Variants in STEAP1B observed in about 807,000 individuals in gnomAD.
The protein encoded by STEAP1B is STEAP family protein MGC87042.
STEAP1B carries 13 observed loss-of-function variants against 27.9 expected under a neutral mutation model. That is an observed-to-expected ratio of 0.47 (90% CI 0.30 to 0.74). The LOEUF (loss-of-function observed/expected upper bound fraction) is 0.74. Among genes scored for constraint, STEAP1B ranks in the 30% least tolerant of loss-of-function variants. STEAP1B has a pLI of 0.06. For missense variants in STEAP1B, 250 were observed against 298.7 expected (o/e 0.84, Z 1.20); for synonymous variants, 86 against 107.1 (o/e 0.80, Z 1.22).
chr7:22,491,206 C>G (rs1786315455), intron 4 of STEAP1B, among the ~76,000 whole-genome samples: 1 of 152,128 alleles, frequency 6.6e-6, no homozygotes, highest in African/African-American at 2.4e-5. Flanking sequence ...TTGAAGGTTT[C>G]TTTTTAAAAC....
chr7:22,435,924 T>G (rs1785247835), intron 4 of STEAP1B, among the ~76,000 whole-genome samples: 1 of 152,188 alleles, frequency 6.6e-6, no homozygotes. Flanking sequence ...CTAATGTACC[T>G]GCCATCTCTC....
At chr7:22,438,858 C>T (rs1004078413) in intron 4 of STEAP1B, 1 of 1,272,880 alleles carries the variant, frequency 7.9e-7, no homozygotes, top group African/African-American at 1.5e-5. Flanking sequence ...TACTCTCCTT[C>T]ATTTATAAAA....
chr7:22,474,844 C>T (rs1249573193), intron 4 of STEAP1B, among the ~76,000 whole-genome samples: 2 of 152,208 alleles, frequency 1.3e-5, no homozygotes, highest in Admixed American at 6.5e-5. Context: ...GAGTGGACAG[C>T]TCCCATTCCA....
chr7:22,429,046 C>T (rs893453230), intron 4 of STEAP1B, among the ~76,000 whole-genome samples: 2 of 152,112 alleles, frequency 1.3e-5, no homozygotes, highest in South Asian at 2.1e-4. Context: ...AGCAAGACTG[C>T]GGTGTAACAG....
At chr7:22,494,621 C>T (rs1786405996) in intron 2 of STEAP1B, 151 bp downstream of exon 2, 1 of 535,586 alleles carries the variant, frequency 1.9e-6, no homozygotes, top group East Asian at 3.4e-5. Context: ...GCTACTCTGT[C>T]CTTCACAGTA....
intron 4 of STEAP1B, among the ~76,000 whole-genome samples, chr7:22,434,521 T>C (rs916274741): frequency 4.5e-5 from 6 of 134,084 alleles, no homozygotes; most frequent in Non-Finnish European, 1.7e-5. Context: ...CTAGTAAGAA[T>C]AGGTAAAAAA....
At chr7:22,446,497 G>C (rs960670188) in intron 4 of STEAP1B, among the ~76,000 whole-genome samples, 1 of 152,182 alleles carries the variant, frequency 6.6e-6, no homozygotes, top group African/African-American at 2.4e-5. Context: ...CAAACCTCCA[G>C]GTGGTTCTGA....
intron 4 of STEAP1B, among the ~76,000 whole-genome samples, chr7:22,463,697 C>A (rs1242139275): frequency 6.6e-6 from 1 of 151,524 alleles, no homozygotes. Context: ...GAAAAACAAG[C>A]AATGGGGAAA....
At position 22,495,970 on chromosome 7, in the gene STEAP1B, C is replaced by A. The variant is rs1786433331; in HGVS notation, c.-31-1084G>T. ...CTTCTACTTACAAAAAAAGAGCTAA[C>A]TGTAAACAGCCCTAGGCAGGTCCTT... On this transcript the variant is annotated intron_variant, in intron 1 of 4. Transcript: ENST00000678116. 2.0e-5 allele frequency among the ~76,000 whole-genome samples: 3 copies of A among 152,298 alleles called. No homozygotes were observed. In the South Asian group the frequency reaches 6.2e-4, roughly 32 times the overall value.
intron 4 of STEAP1B, among the ~76,000 whole-genome samples, chr7:22,433,268 A>G (rs935908401): frequency 1.3e-5 from 2 of 151,656 alleles, no homozygotes; most frequent in East Asian, 1.9e-4. Flanking sequence ...CCTTCCCCCA[A>G]CTTACTATTT....
intron 4 of STEAP1B, among the ~76,000 whole-genome samples, chr7:22,442,160 T>A (rs1463307688): frequency 6.6e-6 from 1 of 152,202 alleles, no homozygotes; most frequent in Non-Finnish European, 1.5e-5. Context: ...ATGGTGCTCA[T>A]TGCAACAATG....
At chr7:22,470,204 T>G (rs529325560) in intron 4 of STEAP1B, among the ~76,000 whole-genome samples, 1 of 152,252 alleles carries the variant, frequency 6.6e-6, no homozygotes, top group African/African-American at 2.4e-5. Flanking sequence ...GAGTATCTTG[T>G]GGTGCAGGAA....
intron 4 of STEAP1B, among the ~76,000 whole-genome samples, chr7:22,437,572 C>A (rs1785270678): frequency 1.3e-5 from 2 of 152,174 alleles, no homozygotes; most frequent in African/African-American, 2.4e-5. Context: ...GGAAGAAGTG[C>A]AGATATCTCT....
Position 22,493,367 on chromosome 7 carries a change from C to A in STEAP1B, c.554G>T (p.Arg185Met), listed in dbSNP as rs16881812. The A allele has an allele frequency of 0.089, 144,206 of 1,613,368 alleles. 7,086 individuals are homozygous for A. Among genetic ancestry groups the A allele is most frequent in the African/African-American group, 0.14 (10,154 of 74,958 alleles). ...HAIYTLSYAM[R>M]RSYRYKLLNW... The stretch of plus-strand genomic sequence containing the variant: ...TAGCAACTTGTATCTGTAGGATCGC[C>A]TCATTGCGTAAGACAGAGTATAAAT... The change falls in exon 3 of 5, where the codon AGG (arginine) becomes ATG (methionine). Residue 185 changes from arginine (R) to methionine (M), a missense_variant. By Grantham distance (91) the Arg-to-Met change is moderately conservative. Transcript: ENST00000678116.
intron 4 of STEAP1B, among the ~76,000 whole-genome samples, chr7:22,476,640 T>C (rs558288261): frequency 5.3e-5 from 8 of 152,296 alleles, no homozygotes; most frequent in Non-Finnish European, 1.2e-4. Flanking sequence ...ATTCCTTAGC[T>C]TGGAACTCCA....
At chr7:22,429,660 C>A (rs1200957737) in intron 4 of STEAP1B, among the ~76,000 whole-genome samples, 2 of 152,156 alleles carry the variant, frequency 1.3e-5, no homozygotes, top group Admixed American at 6.5e-5. Flanking sequence ...CATCACACTG[C>A]TCAGAACAGT....
chr7:22,493,335 C>A lies in STEAP1B; in HGVS notation c.586G>T (p.Ala196Ser). The change falls in exon 3 of 5, where the codon GCA becomes TCA. Residue 196 changes from alanine to serine, a missense_variant. Transcript: ENST00000678116. ...RSYRYKLLNW[A>S]YQQVQQNKED... ...CATTGTCATCTCACCTGTTGATATGCCCAGTTTAGCAACTTGTATCTGTAG... is the reference window on the plus strand; with the variant it reads ...CATTGTCATCTCACCTGTTGATATGACCAGTTTAGCAACTTGTATCTGTAG... 6.2e-7 allele frequency: 1 copy of A among 1,611,998 alleles called. No homozygotes were observed. The highest frequency in any genetic ancestry group is 8.5e-7 in the Non-Finnish European group (1 of 1,178,318).
intron 4 of STEAP1B, among the ~76,000 whole-genome samples, chr7:22,465,037 C>T (rs111461738): frequency 2.2e-3 from 318 of 142,260 alleles, no homozygotes; most frequent in Non-Finnish European, 4.0e-3. Context: ...GCCAGCATCA[C>T]TACTCTTGCA....
chr7:22,466,334 T>C (rs1295913956), intron 4 of STEAP1B, among the ~76,000 whole-genome samples: 1 of 152,040 alleles, frequency 6.6e-6, no homozygotes, highest in African/African-American at 2.4e-5. Flanking sequence ...GTAATGAGCA[T>C]AGTACTTGAT....
Sources: gnomAD v4.1 joint callset for allele counts (sites outside exome capture counted in the v4.1 genomes callset) on GRCh38, gnomAD v4.1.1 for gene constraint, MANE v1.5 for transcripts, NCBI Gene and HGNC (gene_info 2026-07-23, HGNC 2026-07-21) for gene names.